CSF2RA: variants seen among roughly 807,000 people sequenced by gnomAD.
CSF2RA encodes granulocyte-macrophage colony-stimulating factor receptor subunit alpha.
CSF2RA carries 42 observed loss-of-function variants against 51.6 expected under a neutral mutation model. The observed-to-expected ratio is 0.81, with a 90% CI of 0.64 to 1.05. The LOEUF (loss-of-function observed/expected upper bound fraction) is 1.05. CSF2RA is among the 50% of genes least tolerant of loss of function. CSF2RA has a pLI of 0.00. For missense variants in CSF2RA, 530 were observed against 501.1 expected, an observed-to-expected ratio of 1.06 and a Z score of -0.55; for synonymous variants, 222 against 193.0, an observed-to-expected ratio of 1.15 and a Z score of -1.24.
chrX:1,270,232 A>G (rs775371888), intron 1 of CSF2RA, among the ~76,000 whole-genome samples: 51 of 127,356 alleles, frequency 4.0e-4, no homozygotes, highest in African/African-American at 1.7e-3. Flanking sequence ...ATATATACAT[A>G]TTATATATTT....
At chrX:1,305,717 G>A (rs1440591286) in intron 12 of CSF2RA, 190 bp downstream of exon 12, 37 of 1,554,552 alleles carry the variant, frequency 2.4e-5, no homozygotes, top group Non-Finnish European at 3.1e-5. Flanking sequence ...CAAGGTTGGG[G>A]TCAGAGTCAT....
At chrX:1,316,237 T>TTA in the CSF2RA span, among the ~76,000 whole-genome samples, 304 of 52,072 alleles carry the variant, frequency 5.8e-3, no homozygotes, top group East Asian at 0.018. Flanking sequence ...AGATGATAGA[T>TTA]GACAGATGAT....
At chrX:1,314,986 A>T (rs868571703), downstream of CSF2RA, among the ~76,000 whole-genome samples, 55 of 113,584 alleles carry the variant, frequency 4.8e-4, 6 homozygotes, top group African/African-American at 1.4e-3. Context: ...GCCCAATCGC[A>T]CTGCACCTGC....
At position 1,309,622 on chromosome X, in the gene CSF2RA, C is replaced by A; in HGVS notation, c.*143C>A. Reference sequence around the variant, plus strand: ...ACATTTGGGGCCAGGCGCGGTGGCTCACGCCTGTAATCCCAGCACTTTGGG... The same window carrying A: ...ACATTTGGGGCCAGGCGCGGTGGCTAACGCCTGTAATCCCAGCACTTTGGG... On this transcript the variant is annotated 3_prime_UTR_variant, in exon 13 of 13. Coordinates refer to ENST00000381529, the MANE Select transcript of CSF2RA (RefSeq NM_172245.4). 1 of 1,604,044 alleles carries A rather than the reference C, an allele frequency of 6.2e-7. No homozygotes were observed. The highest frequency in any genetic ancestry group is 1.3e-5 in the African/African-American group (1 of 74,772).
At chrX:1,269,743 G>A (rs2088122938) in intron 1 of CSF2RA, among the ~76,000 whole-genome samples, 1 of 152,136 alleles carries the variant, frequency 6.6e-6, no homozygotes, top group South Asian at 2.1e-4. Context: ...TTCAAGAACG[G>A]GTTCTGGGAT....
intron 6 of CSF2RA, 140 bp from the exon 7 acceptor site, chrX:1,290,193 GTTTT>G: frequency 1.7e-6 from 1 of 601,508 alleles, no homozygotes; most frequent in Non-Finnish European, 2.8e-6. Context: ...GTTTTTGTGG[GTTTT>G]TTTTGTTTTG....
At chrX:1,305,589 C>T (rs1318294815) in intron 12 of CSF2RA, 62 bp downstream of exon 12, 1 of 1,613,904 alleles carries the variant, frequency 6.2e-7, no homozygotes, top group Non-Finnish European at 8.5e-7. Flanking sequence ...GAGCGTGGGA[C>T]ACGGCCTCTG....
At chrX:1,277,489 G>A (rs1237909404) in intron 2 of CSF2RA, among the ~76,000 whole-genome samples, 10 of 149,128 alleles carry the variant, frequency 6.7e-5, no homozygotes, top group African/African-American at 1.7e-4. Context: ...CCAGCTACTC[G>A]GGAGACAGAG....
chrX:1,287,061 G>C (rs1470395802), intron 4 of CSF2RA: 1 of 151,800 alleles, frequency 6.6e-6, no homozygotes, highest in East Asian at 1.9e-4. Flanking sequence ...GGTGATAATA[G>C]ATGATTGGAA....
chrX:1,301,629 G>A (rs778085617), intron 10 of CSF2RA, among the ~76,000 whole-genome samples: 32 of 129,866 alleles, frequency 2.5e-4, no homozygotes, highest in Non-Finnish European at 4.0e-4. Flanking sequence ...ACGGCGTTTC[G>A]CTCTTGTCGC....
At chrX:1,295,396 A>G in intron 8 of CSF2RA, 31 bp from the exon 9 acceptor site, 1 of 1,613,366 alleles carries the variant, frequency 6.2e-7, no homozygotes, top group Non-Finnish European at 8.5e-7. Context: ...GGAAACAGTG[A>G]GCCTTGTGTT....
Position 1,288,589 on chromosome X carries a change from A to G in CSF2RA, c.290A>G (p.His97Arg). ...CATGAAGGAGTCACATTTGAGGTTC[A>G]CGTGAATACTAGTCAAAGAGGATTT... ...CLHEGVTFEV[H>R]VNTSQRGFQQ... Residue 97 changes from histidine (H) to arginine (R), a missense_variant, in exon 5 of 13, where the codon CAC (histidine) becomes CGC (arginine). Coordinates refer to ENST00000381529, the MANE Select transcript of CSF2RA (RefSeq NM_172245.4). 6.2e-7 allele frequency: 1 copy of G among 1,613,974 alleles called. No individual in the cohort carries two copies. Among genetic ancestry groups the G allele is most frequent in the Non-Finnish European group, 8.5e-7 (1 of 1,179,870 alleles).
intron 2 of CSF2RA, among the ~76,000 whole-genome samples, chrX:1,281,192 CCTCCTTCTCCT>C (rs2089998199): frequency 1.2e-5 from 1 of 83,188 alleles, no homozygotes; most frequent in Non-Finnish European, 2.8e-5. Flanking sequence ...TTCTCCTTCT[CCTCCTTCTCCT>C]ACTCCTCCTT....
At chrX:1,314,423 C>CCCAACCGTACTGCACT (rs1569514842), downstream of CSF2RA, among the ~76,000 whole-genome samples, 1 of 147,816 alleles carries the variant, frequency 6.8e-6, no homozygotes, top group African/African-American at 2.6e-5. Context: ...CGTACTGCAC[C>CCCAACCGTACTGCACT]TGCCCAACCG....
intron 10 of CSF2RA, among the ~76,000 whole-genome samples, chrX:1,302,480 C>T (rs1489301593): frequency 3.9e-4 from 60 of 151,950 alleles, no homozygotes; most frequent in Admixed American, 3.9e-3. Context: ...GGGGTGACTG[C>T]ACCTGTAAGA....
chrX:1,314,204 C>T (rs754091650), downstream of CSF2RA, among the ~76,000 whole-genome samples: 5 of 146,440 alleles, frequency 3.4e-5, no homozygotes, highest in African/African-American at 8.2e-5. Flanking sequence ...TTTGCAGAAC[C>T]GCACTGCACC....
At chrX:1,294,701 C>T (rs1352863973) in intron 8 of CSF2RA, among the ~76,000 whole-genome samples, 3 of 151,954 alleles carry the variant, frequency 2.0e-5, no homozygotes, top group Admixed American at 6.6e-5. Flanking sequence ...ACCATGGAAC[C>T]AGGAAGTGGA....
chrX:1,290,561 G>A (rs777596439), intron 7 of CSF2RA, 52 bp downstream of exon 7: 1 of 1,587,468 alleles, frequency 6.3e-7, no homozygotes, highest in Non-Finnish European at 8.7e-7. Context: ...AATGGAATTT[G>A]CCTTAAAATC....
intron 4 of CSF2RA, among the ~76,000 whole-genome samples, chrX:1,288,279 T>G (rs111664052): frequency 7.2e-6 from 1 of 138,084 alleles, no homozygotes; most frequent in Non-Finnish European, 1.6e-5. Context: ...GTCAGGAGTT[T>G]GAGACCAGCC....
Sources: gnomAD v4.1 joint callset for allele counts (sites outside exome capture counted in the v4.1 genomes callset) on GRCh38, gnomAD v4.1.1 for gene constraint, MANE v1.5 for transcripts, NCBI Gene and HGNC (gene_info 2026-07-23, HGNC 2026-07-21) for gene names.